APOB: variants seen among roughly 807,000 people sequenced by gnomAD.
APOB encodes the protein apolipoprotein B, also known as apolipoprotein B-100.
Under a neutral mutation model 314.1 loss-of-function variants are expected in APOB, and 153 were observed. The ratio of observed to expected loss-of-function variants is 0.49; its 90% CI spans 0.43 to 0.56. APOB has a LOEUF of 0.56. Among genes scored for constraint, APOB ranks in the 20% least tolerant of loss-of-function variants. APOB has a pLI of 0.00. For missense variants in APOB, 5,430 were observed against 5,350.7 expected (o/e 1.01, Z -0.46); for synonymous variants, 2,087 against 2,036.4 (o/e 1.02, Z -0.67).
At chr2:21,032,322 C>A in intron 10 of APOB, 32 bp downstream of exon 10, 1 of 1,592,108 alleles carries the variant, frequency 6.3e-7, no homozygotes, top group South Asian at 1.1e-5. Flanking sequence ...TTCCTCTGCT[C>A]CTAGGAGGAG....
intron 21 of APOB, 23 bp from the exon 22 acceptor site, chr2:21,015,568 G>A: frequency 6.2e-7 from 1 of 1,607,896 alleles, no homozygotes; most frequent in Non-Finnish European, 8.5e-7. Context: ...AAATCAGTTG[G>A]CACCAATGAT....
chr2:21,030,299 A>G (rs980903977), intron 10 of APOB, among the ~76,000 whole-genome samples: 1 of 152,228 alleles, frequency 6.6e-6, no homozygotes, highest in Non-Finnish European at 1.5e-5. Context: ...ATAAAGTCAC[A>G]TACTTACAGT....
rs763538965 is a variant in APOB, at chr2:21,024,915, T to G, written c.2436+18A>C. 2.7e-5 allele frequency: 44 copies of G among 1,613,300 alleles called. No individual in the cohort carries two copies. Among genetic ancestry groups the G allele is most frequent in the Non-Finnish European group, 2.4e-5 (28 of 1,179,544 alleles). On this transcript the variant is annotated intron_variant, in intron 16 of 28. Transcript: ENST00000233242. ...AACGTCTGGTCTCATGGGCCCCCAG[T>G]GGGGCCTGCTGACTTACCATCTGGG...
rs1415675587 is a variant in APOB, at chr2:21,025,061, C to T, written c.2308G>A (p.Val770Ile). The T allele has an allele frequency of 4.3e-6, 7 of 1,614,214 alleles. No individual in the cohort carries two copies. The African/African-American group carries it at 9.3e-5, about 22-fold the overall frequency. Residue 770 changes from valine to isoleucine, a missense_variant, in exon 16 of 29, where the codon GTC (valine) becomes ATC (isoleucine). This residue lies in a region of APOB where 2,085 missense variants were observed against 2,079.7 expected (regional missense o/e 1.00). Coordinates refer to ENST00000233242, the MANE Select transcript of APOB (RefSeq NM_000384.3). ...KLIKDLKSKE[V>I]PEARAYLRIL... ...CGGAGGTAGGCTCTGGCTTCCGGGA[C>T]TTCTTTGGATTTCAAATCTTTAATC...
Position 21,007,013 on chromosome 2 carries a change from G to C in APOB, c.9855C>G (p.Ile3285Met). The part of the protein sequence containing the change: ...PKAVSMPSFS[I>M]LGSDVRVPSY... Reference sequence around the variant, plus strand: ...AAGGCACACGGACGTCAGAACCTAGGATGGAGAAACTAGGCATGCTGACTG... The same window carrying C: ...AAGGCACACGGACGTCAGAACCTAGCATGGAGAAACTAGGCATGCTGACTG... Residue 3285 changes from isoleucine (I) to methionine (M), a missense_variant, in exon 26 of 29, where the codon ATC becomes ATG. This residue lies in a region of APOB where 3,281 missense variants were observed against 3,171.0 expected (regional missense o/e 1.03). Coordinates refer to ENST00000233242, the MANE Select transcript of APOB (RefSeq NM_000384.3). 6.2e-7 allele frequency: 1 copy of C among 1,614,012 alleles called. No individual in the cohort carries two copies. Among genetic ancestry groups the C allele is most frequent in the Non-Finnish European group, 8.5e-7 (1 of 1,179,940 alleles).
Position 21,007,513 on chromosome 2 carries a change from C to T in APOB, c.9355G>A (p.Gly3119Arg). Residue 3119 changes from glycine (G) to arginine (R), a missense_variant, in exon 26 of 29, where the codon GGA (glycine) becomes AGA (arginine). This residue lies in a region of APOB where 3,281 missense variants were observed against 3,171.0 expected (regional missense o/e 1.03). Transcript: ENST00000233242. ...NIMEAHVGINGEANLDFLNIP... is the reference protein window; with the variant it reads ...NIMEAHVGINREANLDFLNIP... ...TTTAAGAAATCCAGATTTGCTTCTC[C>T]ATTTATTCCTACATGGGCCTCCATA... The T allele has an allele frequency of 6.2e-7, 1 of 1,614,034 alleles. No individual in the cohort carries two copies. Among genetic ancestry groups the T allele is most frequent in the Non-Finnish European group, 8.5e-7 (1 of 1,179,952 alleles).
At chr2:21,038,159 C>G in intron 4 of APOB, 48 bp from the exon 5 acceptor site, 3 of 1,609,760 alleles carry the variant, frequency 1.9e-6, no homozygotes, top group Middle Eastern at 2.1e-4. Context: ...TCCATTACAA[C>G]TTGCTGGAAG....
rs547489512 is a variant in APOB, at chr2:21,033,591, G to A, written c.905-73C>T. On this transcript the variant is annotated intron_variant, in intron 8 of 28. Transcript: ENST00000233242. ...CCATATCTTTGTCTACTGGAAGCTGGAAATTGTGGAGTATCAGCACAGGGG... is the reference window on the plus strand; with the variant it reads ...CCATATCTTTGTCTACTGGAAGCTGAAAATTGTGGAGTATCAGCACAGGGG... 322 of 1,288,364 alleles carry A rather than the reference G, an allele frequency of 2.5e-4. No individual in the cohort carries two copies. The African/African-American group carries it at 4.2e-3, about 17-fold the overall frequency. 79.8% of individuals were successfully genotyped at this position (1,288,364 alleles called of 1,614,324 possible).
rs763870199 is a variant in APOB, at chr2:21,016,448, C to T, written c.3323G>A (p.Gly1108Asp). The T allele has an allele frequency of 2.1e-5, 34 of 1,595,560 alleles. 1 individual carries two copies. The South Asian group carries it at 3.0e-4, about 14-fold the overall frequency. The change falls in exon 21 of 29, where the codon GGC becomes GAC. Residue 1108 changes from glycine to aspartate, a missense_variant. Physicochemically the swap from Gly to Asp is moderately conservative, Grantham distance 94. Coordinates refer to ENST00000233242, the MANE Select transcript of APOB (RefSeq NM_000384.3). ...CCTCGGCCTTCTTTACCTTAGGTGG[C>T]CCATGAGGGCGACCTCAGTAATTTT... Reference protein sequence around the residue: ...NKKITEVALMGHLSCDTKEER... With the variant: ...NKKITEVALMDHLSCDTKEER...
At position 21,013,216 on chromosome 2, in the gene APOB, G is replaced by T. The variant is rs1389459768; in HGVS notation, c.4160C>A (p.Ala1387Asp). ...AGAGTCAGCCTTCATGTGGTAACGAGCCCGAAGGCTGAAATGGTCTGTGCT... is the reference window on the plus strand; with the variant it reads ...AGAGTCAGCCTTCATGTGGTAACGATCCCGAAGGCTGAAATGGTCTGTGCT... ...NTSTDHFSLR[A>D]RYHMKADSVV... Residue 1387 changes from alanine to aspartate, a missense_variant, in exon 25 of 29, where the codon GCT (alanine) becomes GAT (aspartate). Ala to Asp is a moderately radical substitution (Grantham distance 126). This residue lies in a region of APOB where 2,085 missense variants were observed against 2,079.7 expected (regional missense o/e 1.00). Transcript: ENST00000233242. 1 of 1,614,162 alleles carries T rather than the reference G, an allele frequency of 6.2e-7. No individual in the cohort carries two copies. The highest frequency in any genetic ancestry group is 8.5e-7 in the Non-Finnish European group (1 of 1,180,026).
chr2:21,016,586 C>A lies in APOB; in HGVS notation c.3185G>T (p.Ser1062Ile), dbSNP rs745306008. 7 of 1,612,548 alleles carry A rather than the reference C, an allele frequency of 4.3e-6. No homozygotes were observed. In the Admixed American group the frequency reaches 1.2e-4, roughly 27 times the overall value. The stretch of plus-strand genomic sequence containing the variant: ...ATCAAAATCCGGAATTTGGACTTCA[C>A]TGGACAAGGTCATACTCTGCCGATT... ...KYNRQSMTLS[S>I]EVQIPDFDVD... The change falls in exon 21 of 29, where the codon AGT becomes ATT. Residue 1062 changes from serine (S) to isoleucine (I), a missense_variant. By Grantham distance (142) the Ser-to-Ile change is moderately radical. Transcript: ENST00000233242.
At chr2:21,043,465 G>C (rs958639138) in intron 2 of APOB, 48 bp downstream of exon 2, 3 of 1,573,388 alleles carry the variant, frequency 1.9e-6, no homozygotes, top group Admixed American at 1.9e-5. Context: ...GTGTAGGAGA[G>C]TGCACGGGGC....
intron 16 of APOB, 51 bp from the exon 17 acceptor site, chr2:21,023,743 G>A (rs370228014): frequency 2.0e-6 from 3 of 1,525,054 alleles, no homozygotes; most frequent in Non-Finnish European, 2.7e-6. Flanking sequence ...TTTAAAGTCG[G>A]TTTTGTTAAT....
chr2:21,031,822 C>A (rs1223429003), intron 10 of APOB, among the ~76,000 whole-genome samples: 1 of 151,916 alleles, frequency 6.6e-6, no homozygotes, highest in African/African-American at 2.4e-5. Context: ...TGCACTCCAG[C>A]CTGGGTGACA....
chr2:21,009,141 C>T lies in APOB; in HGVS notation c.7727G>A (p.Arg2576His), dbSNP rs759057929. ...EQYSIQDWAK[R>H]MKALVEQGFT... ...CCCTTGCTCTACCAATGCTTTCATA[C>T]GTTTAGCCCAATCTTGGATAGAATA... Residue 2576 changes from arginine (R) to histidine (H), a missense_variant, in exon 26 of 29, where the codon CGT (arginine) becomes CAT (histidine). Arg to His is a conservative substitution (Grantham distance 29). This residue lies in a region of APOB where 3,281 missense variants were observed against 3,171.0 expected (regional missense o/e 1.03). Transcript: ENST00000233242. 4.0e-5 allele frequency: 64 copies of T among 1,613,938 alleles called. No individual in the cohort carries two copies. Among genetic ancestry groups the T allele is most frequent in the East Asian group, 6.7e-5 (3 of 44,896 alleles).
chr2:21,016,780 C>A (rs536068219), intron 20 of APOB, 131 bp from the exon 21 acceptor site: 14 of 703,280 alleles, frequency 2.0e-5, no homozygotes, highest in Non-Finnish European at 3.1e-5. Context: ...GTCAGGAGAT[C>A]AAGACCATTC....
intron 6 of APOB, 135 bp downstream of exon 6, chr2:21,036,965 G>T (rs1664016700): frequency 2.7e-6 from 3 of 1,122,410 alleles, no homozygotes; most frequent in Admixed American, 4.0e-5. Flanking sequence ...CCTGCTCAGG[G>T]TCCTATCTCT....
chr2:21,027,736 G>C, intron 14 of APOB, 92 bp downstream of exon 14: 1 of 1,004,180 alleles, frequency 1.0e-6, no homozygotes, highest in Non-Finnish European at 1.6e-6. Flanking sequence ...GTGGTTCTTA[G>C]TTTTCCTCTG....
At chr2:21,038,202 T>C (rs1347947743) in intron 4 of APOB, 91 bp from the exon 5 acceptor site, 4 of 1,393,012 alleles carry the variant, frequency 2.9e-6, no homozygotes, top group East Asian at 2.3e-5. Context: ...TCTTTTCTCA[T>C]ATTTTTTTAA....
Sources: allele counts gnomAD v4.1 joint callset (sites outside exome capture counted in the v4.1 genomes callset), GRCh38; gene constraint gnomAD v4.1.1; regional missense constraint gnomAD v4.1.1; transcripts MANE v1.5; gene names NCBI Gene and HGNC (gene_info 2026-07-23, HGNC 2026-07-21).